RBFOX1: variants seen among roughly 807,000 people sequenced by gnomAD.
RBFOX1 encodes RNA binding fox-1 homolog 1, also known as RNA binding protein fox-1 homolog 1.
A neutral mutation model predicts 57.7 loss-of-function variants in RBFOX1; 8 were observed. That is an observed-to-expected ratio of 0.14 (90% CI 0.08 to 0.25). The LOEUF (loss-of-function observed/expected upper bound fraction) is 0.25, where lower values mean the gene tolerates loss of function less well. Among genes scored for constraint, RBFOX1 ranks in the 10% least tolerant of loss-of-function variants. RBFOX1 has a pLI of 1.00. For missense variants in RBFOX1, 611 were observed against 548.5 expected (o/e 1.11, Z -1.14); for synonymous variants, 326 against 222.4 (o/e 1.47, Z -4.15).
intron 14 of RBFOX1, among the ~76,000 whole-genome samples, chr16:7,680,429 A>G (rs2074437502): frequency 6.6e-6 from 1 of 152,200 alleles, no homozygotes; most frequent in Non-Finnish European, 1.5e-5. Context: ...ACATTTCCTA[A>G]TGATCAGTGC....
At chr16:7,282,593 T>A (rs1014464257) in intron 4 of RBFOX1, among the ~76,000 whole-genome samples, 2 of 152,018 alleles carry the variant, frequency 1.3e-5, no homozygotes, top group Admixed American at 6.6e-5. Flanking sequence ...TTTTAAAAAA[T>A]TTTTCCATAG....
chr16:6,976,712 T>C (rs893529428), intron 3 of RBFOX1, among the ~76,000 whole-genome samples: 1 of 148,626 alleles, frequency 6.7e-6, no homozygotes, highest in African/African-American at 2.5e-5. Context: ...TCATATAGCA[T>C]ACATATCATA....
intron 1 of RBFOX1, among the ~76,000 whole-genome samples, chr16:6,106,427 C>T (rs772442749): frequency 7.2e-6 from 1 of 139,016 alleles, no homozygotes; most frequent in African/African-American, 2.7e-5. Flanking sequence ...GATCGTGCCA[C>T]TGTACTCCAG....
intron 3 of RBFOX1, among the ~76,000 whole-genome samples, chr16:5,614,472 A>G (rs969422221): frequency 6.6e-6 from 1 of 152,128 alleles, no homozygotes; most frequent in Non-Finnish European, 1.5e-5. Flanking sequence ...TCAGACATAA[A>G]TGATTTCTGG....
chr16:7,529,451 T>TTTAGCAAACAAATTTCCTGTCCCCACCA (rs2079470935), intron 5 of RBFOX1, among the ~76,000 whole-genome samples: 1 of 152,222 alleles, frequency 6.6e-6, no homozygotes, highest in Admixed American at 6.5e-5. Context: ...GACCCTGTAG[T>TTTAGCAAACAAATTTCCTGTCCCCACCA]AATTTAGCAA....
chr16:6,864,504 T>A (rs1456173063), intron 3 of RBFOX1, among the ~76,000 whole-genome samples: 1 of 151,032 alleles, frequency 6.6e-6, no homozygotes, highest in Non-Finnish European at 1.5e-5. Context: ...ATAAAAACGT[T>A]AATTAAAAAT....
chr16:6,912,722 A>C lies in RBFOX1; in HGVS notation c.-15-139335A>C, dbSNP rs77327167. ...CGCCCCAACCTCCTGGGCTCAAGCA[A>C]GCCTACTACCTCAGCCTACTGAGTA... On this transcript the variant is annotated intron_variant, in intron 3 of 15. Coordinates refer to ENST00000550418, the MANE Select transcript of RBFOX1 (RefSeq NM_018723.4). Among the ~76,000 whole-genome samples the C allele has an allele frequency of 8.2e-3, 1,254 of 152,014 alleles. 17 individuals carry two copies. Among genetic ancestry groups the C allele is most frequent in the African/African-American group, 0.028 (1,167 of 41,456 alleles).
At chr16:5,417,160 T>G (rs560124931) in intron 1 of RBFOX1, among the ~76,000 whole-genome samples, 44 of 152,270 alleles carry the variant, frequency 2.9e-4, no homozygotes, top group Non-Finnish European at 4.4e-4. Flanking sequence ...TTAAGCAGCC[T>G]TTTGTGAACT....
At chr16:7,092,362 C>T (rs565875442) in intron 4 of RBFOX1, among the ~76,000 whole-genome samples, 172 of 152,298 alleles carry the variant, frequency 1.1e-3, no homozygotes, top group African/African-American at 4.0e-3. Flanking sequence ...AAAAACAAAG[C>T]CTCTGAGAGG....
At chr16:7,019,161 A>G (rs1198745413) in intron 3 of RBFOX1, among the ~76,000 whole-genome samples, 2 of 152,046 alleles carry the variant, frequency 1.3e-5, no homozygotes, top group Non-Finnish European at 2.9e-5. Flanking sequence ...CCTTTGTAAT[A>G]TTTCTAAAAT....
chr16:6,201,175 A>G (rs970239832), intron 1 of RBFOX1, among the ~76,000 whole-genome samples: 7 of 152,098 alleles, frequency 4.6e-5, no homozygotes, highest in South Asian at 2.1e-4. Flanking sequence ...CATTGTATCT[A>G]TGGTACCACA....
intron 4 of RBFOX1, among the ~76,000 whole-genome samples, chr16:7,484,428 G>A (rs1280861521): frequency 4.6e-5 from 7 of 152,118 alleles, no homozygotes; most frequent in Non-Finnish European, 8.8e-5. Context: ...CAAAGTGGCT[G>A]TGCCATTTTG....
intron 1 of RBFOX1, among the ~76,000 whole-genome samples, chr16:5,352,478 G>T (rs2065283775): frequency 6.6e-6 from 1 of 152,004 alleles, no homozygotes; most frequent in African/African-American, 2.4e-5. Context: ...GCTTTTTCTT[G>T]CACTCTCTGT....
chr16:5,900,308 C>G (rs2058275628), intron 4 of RBFOX1, among the ~76,000 whole-genome samples: 2 of 152,100 alleles, frequency 1.3e-5, no homozygotes, highest in Admixed American at 1.3e-4. Flanking sequence ...CTCATTGATT[C>G]ATGAATGCCT....
intron 2 of RBFOX1, among the ~76,000 whole-genome samples, chr16:6,518,389 G>A (rs754963713): frequency 3.3e-5 from 5 of 152,148 alleles, no homozygotes; most frequent in Non-Finnish European, 5.9e-5. Context: ...CAAGTTGGGG[G>A]TCATGGGGAA....
chr16:5,739,941 A>T (rs1282626346), intron 3 of RBFOX1, among the ~76,000 whole-genome samples: 3 of 152,252 alleles, frequency 2.0e-5, no homozygotes, highest in Non-Finnish European at 4.4e-5. Flanking sequence ...AGCTAGAGAC[A>T]GAGGAGGTGG....
At chr16:7,308,664 G>T (rs539891303) in intron 4 of RBFOX1, among the ~76,000 whole-genome samples, 7 of 152,198 alleles carry the variant, frequency 4.6e-5, no homozygotes, top group Non-Finnish European at 8.8e-5. Context: ...GACATCTTCA[G>T]ATCGAAAGCA....
At chr16:6,724,208 A>ATT (rs35887818) in intron 3 of RBFOX1, among the ~76,000 whole-genome samples, 1,682 of 127,996 alleles carry the variant, frequency 0.013, 57 homozygotes, top group African/African-American at 0.039. Context: ...GGCATCTTCC[A>ATT]TTTTTTTTTT....
intron 3 of RBFOX1, among the ~76,000 whole-genome samples, chr16:5,640,232 A>G (rs1454433987): frequency 6.6e-6 from 1 of 152,180 alleles, no homozygotes; most frequent in Non-Finnish European, 1.5e-5. Flanking sequence ...AAGAATCTAT[A>G]TTAATGAAGG....
Sources: allele counts gnomAD v4.1 joint callset (sites outside exome capture counted in the v4.1 genomes callset), GRCh38; gene constraint gnomAD v4.1.1; transcripts MANE v1.5; gene names NCBI Gene and HGNC (gene_info 2026-07-23, HGNC 2026-07-21).